Variants in ADAM29 observed in about 807,000 individuals in gnomAD.
ADAM29 encodes disintegrin and metalloproteinase domain-containing protein 29.
For missense variants in ADAM29, 969 were observed against 1,001.8 expected, an observed-to-expected ratio of 0.97 and a Z score of 0.44; for synonymous variants, 367 against 342.3, an observed-to-expected ratio of 1.07 and a Z score of -0.80.
intron 4 of ADAM29, among the ~76,000 whole-genome samples, chr4:174,950,323 T>C (rs1208914360): frequency 6.6e-6 from 1 of 152,206 alleles, no homozygotes; most frequent in Non-Finnish European, 1.5e-5. Flanking sequence ...GACTTCCAAC[T>C]AAAGCATTCA....
chr4:174,965,675 C>T (rs1471002719), intron 4 of ADAM29, among the ~76,000 whole-genome samples: 2 of 151,926 alleles, frequency 1.3e-5, no homozygotes, highest in Non-Finnish European at 2.9e-5. Flanking sequence ...CCCTCTTTTG[C>T]TCTTAAAAAA....
chr4:174,967,791 A>G (rs867810347), intron 4 of ADAM29, among the ~76,000 whole-genome samples: 8 of 152,214 alleles, frequency 5.3e-5, no homozygotes, highest in Admixed American at 2.0e-4. Context: ...ATTTTCATAA[A>G]CAAACACTGA....
chr4:174,948,016 T>C (rs1247733177), intron 4 of ADAM29, among the ~76,000 whole-genome samples: 2 of 152,256 alleles, frequency 1.3e-5, no homozygotes, highest in African/African-American at 4.8e-5. Flanking sequence ...TCCAGGTGTA[T>C]CAGATCAGTT....
chr4:174,921,178 G>T (rs567647508), intron 2 of ADAM29, among the ~76,000 whole-genome samples: 41 of 152,150 alleles, frequency 2.7e-4, no homozygotes, highest in African/African-American at 8.9e-4. Flanking sequence ...AAACAAACAC[G>T]TTTTTAAAAA....
rs574771457 is a variant in ADAM29 at position 174,954,566 on chromosome 4, A to G, written c.-181+17553A>G. Among the ~76,000 whole-genome samples, 4 of 152,304 alleles carry G rather than the reference A, an allele frequency of 2.6e-5. No individual in the cohort carries two copies. In the East Asian group the frequency reaches 7.7e-4, roughly 29 times the overall value. On this transcript the variant is annotated intron_variant, in intron 4 of 4. Coordinates refer to ENST00000359240, the MANE Select transcript of ADAM29 (RefSeq NM_014269.4). ...TATTTACAATTCCTTTTGCCTTCAT[A>G]TTGAAACGGTTATTGAAATTGTAAG... is the stretch of plus-strand genomic sequence containing the variant.
chr4:174,974,337 C>T (rs1175952666), intron 4 of ADAM29, among the ~76,000 whole-genome samples: 3 of 152,184 alleles, frequency 2.0e-5, no homozygotes, highest in Non-Finnish European at 4.4e-5. Context: ...GTCTAGCACC[C>T]AGTTTGGGAT....
intron 4 of ADAM29, among the ~76,000 whole-genome samples, chr4:174,942,986 C>G (rs1312687353): frequency 1.3e-5 from 2 of 152,180 alleles, no homozygotes; most frequent in African/African-American, 2.4e-5. Context: ...TTTCTTCTGT[C>G]AGATACTTTA....
intron 4 of ADAM29, among the ~76,000 whole-genome samples, chr4:174,944,989 T>G (rs1744757582): frequency 2.0e-5 from 3 of 152,148 alleles, no homozygotes; most frequent in African/African-American, 7.2e-5. Flanking sequence ...TGAATATACA[T>G]GTACATGTGT....
intron 1 of ADAM29, among the ~76,000 whole-genome samples, chr4:174,919,682 G>C (rs1394861896): frequency 2.0e-5 from 3 of 152,136 alleles, no homozygotes; most frequent in African/African-American, 7.2e-5. Context: ...AGGCTAGCTA[G>C]AGATTCTTTT....
At chr4:174,971,686 T>A (rs1228226192) in intron 4 of ADAM29, among the ~76,000 whole-genome samples, 5 of 152,166 alleles carry the variant, frequency 3.3e-5, no homozygotes, top group African/African-American at 1.2e-4. Context: ...GTTGATTTGT[T>A]TGAGTTCATC....
At chr4:174,929,110 T>G (rs1743692760) in intron 2 of ADAM29, among the ~76,000 whole-genome samples, 1 of 152,200 alleles carries the variant, frequency 6.6e-6, no homozygotes, top group Non-Finnish European at 1.5e-5. Context: ...TGCACTTTCT[T>G]GTTTTTGCAC....
intron 4 of ADAM29, among the ~76,000 whole-genome samples, chr4:174,957,565 T>A (rs1745574589): frequency 6.6e-6 from 1 of 151,764 alleles, no homozygotes; most frequent in Non-Finnish European, 1.5e-5. Context: ...GAAATCCTAG[T>A]AAGTTCCTAC....
intron 2 of ADAM29, among the ~76,000 whole-genome samples, chr4:174,921,055 T>C (rs113147040): frequency 6.6e-6 from 1 of 152,264 alleles, no homozygotes; most frequent in African/African-American, 2.4e-5. Flanking sequence ...GAGAATATTA[T>C]ACTATGCCAG....
intron 4 of ADAM29, among the ~76,000 whole-genome samples, chr4:174,953,530 T>G (rs1426806148): frequency 6.6e-6 from 1 of 152,142 alleles, no homozygotes; most frequent in Non-Finnish European, 1.5e-5. Context: ...TCACATAATA[T>G]GAAGACACAA....
At chr4:174,944,769 A>T (rs1210134117) in intron 4 of ADAM29, among the ~76,000 whole-genome samples, 1 of 152,188 alleles carries the variant, frequency 6.6e-6, no homozygotes, top group East Asian at 1.9e-4. Context: ...CTTATAAGTG[A>T]CAACATGCAG....
At chr4:174,921,061 G>A (rs1578996663) in intron 2 of ADAM29, among the ~76,000 whole-genome samples, 2 of 152,192 alleles carry the variant, frequency 1.3e-5, no homozygotes, top group East Asian at 3.9e-4. Context: ...ATTATACTAT[G>A]CCAGTCTTTG....
In ADAM29 at chr4:174,976,379, C is replaced by T. The variant is rs747254078; in HGVS notation, c.854C>T (p.Thr285Ile). The change falls in exon 5 of 5, where the codon ACC becomes ATC. Residue 285 changes from threonine to isoleucine, a missense_variant. Transcript: ENST00000359240. ...ENITPRMQHD[T>I]SHLFTTLGLR... ...ATTACGCCCCGGATGCAACATGACA[C>T]CTCACATCTTTTCACAACTCTAGGA... 1.9e-6 allele frequency: 3 copies of T among 1,600,422 alleles called. No individual in the cohort carries two copies. The highest frequency in any genetic ancestry group is 1.3e-5 in the African/African-American group (1 of 74,360).
At chr4:174,956,510 G>A (rs74823198) in intron 4 of ADAM29, among the ~76,000 whole-genome samples, 1 of 110,984 alleles carries the variant, frequency 9.0e-6, no homozygotes, top group Admixed American at 8.6e-5. Flanking sequence ...GTGTGTGTTT[G>A]TGAGAGAGAG....
chr4:174,931,508 A>G (rs780802908), intron 3 of ADAM29: 5 of 152,136 alleles, frequency 3.3e-5, no homozygotes, highest in Non-Finnish European at 7.4e-5. Context: ...TCAGCAGCAG[A>G]TTCTCCCTTT....
Sources: allele counts gnomAD v4.1 joint callset (sites outside exome capture counted in the v4.1 genomes callset), GRCh38; gene constraint gnomAD v4.1.1; transcripts MANE v1.5; gene names NCBI Gene and HGNC (gene_info 2026-07-23, HGNC 2026-07-21).